The following MTSS1 variants were observed in gnomAD, a reference collection of about 807,000 sequenced individuals.
MTSS1 encodes protein MTSS 1.
In MTSS1, 18 loss-of-function variants were observed where a neutral mutation model predicts 79.0. The observed-to-expected ratio is 0.23, with a 90% CI of 0.16 to 0.34. MTSS1 has a LOEUF of 0.34. MTSS1 is among the 10% of genes least tolerant of loss of function. The pLI, the probability that MTSS1 is intolerant of heterozygous loss-of-function variation, is 1.00. For missense variants in MTSS1, 815 were observed against 986.2 expected, an observed-to-expected ratio of 0.83 and a Z score of 2.33; for synonymous variants, 341 against 368.6, an observed-to-expected ratio of 0.93 and a Z score of 0.86.
intron 3 of MTSS1, among the ~76,000 whole-genome samples, chr8:124,624,656 G>A (rs772721952): frequency 7.2e-5 from 11 of 152,184 alleles, no homozygotes; most frequent in Non-Finnish European, 1.0e-4. Context: ...TGAGTCTCAG[G>A]TGCCAGGGGG....
At position 124,567,746 on chromosome 8, in the gene MTSS1, G is replaced by C. The variant is rs1826829939; in HGVS notation, c.619-568C>G. The C allele has an allele frequency of 8.5e-6, 13 of 1,526,970 alleles. No individual in the cohort carries two copies. The East Asian group carries it at 3.2e-4, about 37-fold the overall frequency. The allele number at this position is 1,526,970 out of a possible 1,614,324, so 94.6% of individuals were successfully genotyped here. A position where few individuals can be genotyped will look rare whatever the true frequency, so the allele number is the denominator to read the frequency against. On this transcript the variant is annotated intron_variant, in intron 7 of 13. Transcript: ENST00000518547. ...CAAGTTGGGACCACGGGCCGGGCTAGAACGATCCATGGAAAAGTTCTGTGC... is the reference window on the plus strand; with the variant it reads ...CAAGTTGGGACCACGGGCCGGGCTACAACGATCCATGGAAAAGTTCTGTGC...
chr8:124,605,991 G>A (rs1834781840), intron 3 of MTSS1, among the ~76,000 whole-genome samples: 1 of 119,344 alleles, frequency 8.4e-6, no homozygotes, highest in South Asian at 2.6e-4. Context: ...TTTTGAGACA[G>A]AGTCTCACTC....
intron 2 of MTSS1, 122 bp from the exon 3 acceptor site, chr8:124,699,721 T>C (rs1281138208): frequency 2.3e-6 from 2 of 857,704 alleles, no homozygotes; most frequent in East Asian, 5.3e-5. Context: ...ATAACTCAAC[T>C]GAGCATGGAC....
intron 3 of MTSS1, among the ~76,000 whole-genome samples, chr8:124,625,276 T>G (rs1814438055): frequency 6.6e-6 from 1 of 152,190 alleles, no homozygotes; most frequent in Non-Finnish European, 1.5e-5. Context: ...GTACCTGCTT[T>G]GTAAGATTCT....
At chr8:124,586,860 A>G (rs1006143362) in intron 5 of MTSS1, among the ~76,000 whole-genome samples, 2 of 152,170 alleles carry the variant, frequency 1.3e-5, no homozygotes, top group Non-Finnish European at 2.9e-5. Flanking sequence ...TGCAGTGGGA[A>G]TGGGAAGGAG....
chr8:124,553,263 C>T lies in MTSS1; in HGVS notation c.1997G>A (p.Ser666Asn), dbSNP rs776476303. The change falls in exon 14 of 14, where the codon AGC becomes AAC. Residue 666 changes from serine to asparagine, a missense_variant. Around this residue, in one of 2 missense-constraint regions of MTSS1, gnomAD observed 590 missense variants for 620.8 expected, o/e 0.95. Coordinates refer to ENST00000518547, the MANE Select transcript of MTSS1 (RefSeq NM_014751.6). This position sits in a 1 kb window ranked among gnomAD's most constrained non-coding sequence, Gnocchi z 6.0. ...TGGAGGGTTAACGGAAGCTTGGCCGCTCCACATTGAGGAGGGCATGCTGGT... is the reference window on the plus strand; with the variant it reads ...TGGAGGGTTAACGGAAGCTTGGCCGTTCCACATTGAGGAGGGCATGCTGGT... ...GVTSMPSSMW[S>N]GQASVNPPLP... 1.9e-6 allele frequency: 3 copies of T among 1,614,166 alleles called. No homozygotes were observed. The highest frequency in any genetic ancestry group is 2.5e-6 in the Non-Finnish European group (3 of 1,180,026).
chr8:124,570,151 A>C (rs769452364), intron 6 of MTSS1, among the ~76,000 whole-genome samples: 19 of 152,244 alleles, frequency 1.2e-4, no homozygotes, highest in Non-Finnish European at 2.6e-4. Context: ...GATTTTAGTA[A>C]GGAAAAGTCA....
chr8:124,645,572 C>T (rs977704676), intron 3 of MTSS1, among the ~76,000 whole-genome samples: 15 of 152,072 alleles, frequency 9.9e-5, no homozygotes, highest in Admixed American at 3.9e-4. Context: ...GATATGTTTC[C>T]GCTGGGGTAT....
At chr8:124,725,018 G>A (rs1483885527) in intron 1 of MTSS1, among the ~76,000 whole-genome samples, 1 of 152,188 alleles carries the variant, frequency 6.6e-6, no homozygotes, top group African/African-American at 2.4e-5. Context: ...CAGCCAGTAG[G>A]TGATTTTGCA....
At chr8:124,571,600 C>G (rs1827787866) in intron 6 of MTSS1, among the ~76,000 whole-genome samples, 3 of 152,042 alleles carry the variant, frequency 2.0e-5, no homozygotes, top group African/African-American at 7.3e-5. Flanking sequence ...TCGGGAGACA[C>G]CAGATTGAGA....
chr8:124,724,298 C>T (rs149374847), intron 1 of MTSS1, among the ~76,000 whole-genome samples: 320 of 152,246 alleles, frequency 2.1e-3, no homozygotes, highest in African/African-American at 7.6e-3. Context: ...TAATTTTAGG[C>T]AGAACTTAGG....
chr8:124,702,299 A>T (rs142975294), intron 2 of MTSS1, among the ~76,000 whole-genome samples: 68 of 152,230 alleles, frequency 4.5e-4, no homozygotes, highest in Non-Finnish European at 3.2e-4. Flanking sequence ...TAATCATGGC[A>T]GACATGGAGG....
intron 3 of MTSS1, among the ~76,000 whole-genome samples, chr8:124,678,636 G>A (rs996541943): frequency 6.6e-5 from 10 of 152,208 alleles, no homozygotes; most frequent in Non-Finnish European, 1.5e-4. Flanking sequence ...CCACCCTTGT[G>A]ATTCAGTTAC....
rs1587639769 is a variant in MTSS1, at chr8:124,658,771, C to G, written c.208+40755G>C. Reference sequence around the variant, plus strand: ...AGCAAAGCGCCAAGGGGGAAATCCACCCCCACAGTCCAATCACCTCTCACC... The same window carrying G: ...AGCAAAGCGCCAAGGGGGAAATCCAGCCCCACAGTCCAATCACCTCTCACC... On this transcript the variant is annotated intron_variant, in intron 3 of 13. Coordinates refer to ENST00000518547, the MANE Select transcript of MTSS1 (RefSeq NM_014751.6). 2.0e-5 allele frequency among the ~76,000 whole-genome samples: 3 copies of G among 152,118 alleles called. No individual in the cohort carries two copies. The South Asian group carries it at 6.2e-4, about 32-fold the overall frequency.
chr8:124,673,892 C>G (rs1450769426), intron 3 of MTSS1, among the ~76,000 whole-genome samples: 1 of 151,472 alleles, frequency 6.6e-6, no homozygotes, highest in African/African-American at 2.4e-5. Context: ...GCCTTTGCAG[C>G]TTTGTCAGTG....
intron 3 of MTSS1, among the ~76,000 whole-genome samples, chr8:124,635,415 A>C (rs756520252): frequency 6.6e-6 from 1 of 152,242 alleles, no homozygotes; most frequent in Admixed American, 6.5e-5. Context: ...GTGGTTATCT[A>C]ATTCTGAGAA....
At chr8:124,587,870 C>A (rs972499550) in intron 5 of MTSS1, among the ~76,000 whole-genome samples, 1 of 152,188 alleles carries the variant, frequency 6.6e-6, no homozygotes, top group Non-Finnish European at 1.5e-5. Context: ...TGAATCTCAA[C>A]ACAAATAAGC....
chr8:124,645,259 G>A (rs1011114727), intron 3 of MTSS1, among the ~76,000 whole-genome samples: 23 of 152,110 alleles, frequency 1.5e-4, no homozygotes, highest in Non-Finnish European at 2.6e-4. Context: ...GCATGGTGGC[G>A]TGCACCTGTA....
chr8:124,674,675 T>C (rs1368037082), intron 3 of MTSS1, among the ~76,000 whole-genome samples: 1 of 151,920 alleles, frequency 6.6e-6, no homozygotes, highest in Non-Finnish European at 1.5e-5. Context: ...TCCCAGGCAC[T>C]GCACAATCTG....
Sources: gnomAD v4.1 joint callset for allele counts (sites outside exome capture counted in the v4.1 genomes callset) on GRCh38, gnomAD v4.1.1 for gene constraint, gnomAD v4.1.1 regional missense constraint, Gnocchi (gnomAD v3.1) non-coding constraint, MANE v1.5 for transcripts, NCBI Gene and HGNC (gene_info 2026-07-23, HGNC 2026-07-21) for gene names.